GREB1L: variants seen among roughly 807,000 people sequenced by gnomAD.
GREB1L encodes GREB1 like retinoic acid receptor coactivator.
GREB1L carries 17 observed loss-of-function variants against 200.8 expected under a neutral mutation model. The ratio of observed to expected loss-of-function variants is 0.08; its 90% CI spans 0.06 to 0.13. GREB1L has a LOEUF of 0.13. Among genes scored for constraint, GREB1L ranks in the 10% least tolerant of loss-of-function variants. GREB1L has a pLI of 1.00. For synonymous variants in GREB1L, 789 were observed against 893.0 expected (o/e 0.88, Z 2.08); for missense variants, 1,657 against 2,367.7 (o/e 0.70, Z 6.23).
chr18:21,277,293 G>A (rs1196252900), intron 1 of GREB1L, among the ~76,000 whole-genome samples: 1 of 152,152 alleles, frequency 6.6e-6, no homozygotes. Context: ...ATAAGATTTA[G>A]CCTCCTGTGA....
intron 1 of GREB1L, among the ~76,000 whole-genome samples, chr18:21,305,618 G>A (rs1393862620): frequency 6.6e-6 from 1 of 152,052 alleles, no homozygotes; most frequent in Non-Finnish European, 1.5e-5. Context: ...TCTCTCCCCT[G>A]CAGTCTATTC....
chr18:21,366,366 A>G (rs761594412), intron 2 of GREB1L, among the ~76,000 whole-genome samples: 1 of 151,886 alleles, frequency 6.6e-6, no homozygotes, highest in East Asian at 1.9e-4. Flanking sequence ...TATTTCCTAT[A>G]TACCTAAATT....
At chr18:21,443,862 A>G (rs929903274) in intron 10 of GREB1L, among the ~76,000 whole-genome samples, 1 of 152,238 alleles carries the variant, frequency 6.6e-6, no homozygotes, top group South Asian at 2.1e-4. Flanking sequence ...GTGCCTACAC[A>G]TCACGTCATT....
intron 1 of GREB1L, among the ~76,000 whole-genome samples, chr18:21,279,767 A>T (rs187975019): frequency 2.0e-5 from 3 of 152,232 alleles, no homozygotes; most frequent in East Asian, 3.9e-4. Flanking sequence ...CACCCCAGCC[A>T]TGAGAGTAGC....
intron 27 of GREB1L, among the ~76,000 whole-genome samples, chr18:21,512,712 G>A (rs1381713682): frequency 1.3e-5 from 2 of 151,912 alleles, no homozygotes; most frequent in African/African-American, 2.4e-5. Context: ...AATGGTAAAA[G>A]TGGCATCCTT....
intron 1 of GREB1L, among the ~76,000 whole-genome samples, chr18:21,301,145 A>G (rs1029082846): frequency 1.3e-5 from 2 of 152,364 alleles, no homozygotes; most frequent in East Asian, 1.9e-4. Context: ...TCTTAGAAGC[A>G]TTTAATGTAA....
intron 23 of GREB1L, among the ~76,000 whole-genome samples, chr18:21,501,281 ATGTGCTGAATGTGCAGGTT>A (rs1471522651): frequency 6.6e-6 from 1 of 150,614 alleles, no homozygotes; most frequent in African/African-American, 2.4e-5. Flanking sequence ...TCTGGGATAC[ATGTGCTGAATGTGCAGGTT>A]TGTTACACAG....
intron 1 of GREB1L, among the ~76,000 whole-genome samples, chr18:21,258,156 A>G (rs2037831261): frequency 1.3e-5 from 2 of 152,164 alleles, no homozygotes; most frequent in East Asian, 1.9e-4. Flanking sequence ...ACTTGTGGCA[A>G]ATGTTGCTGT....
intron 4 of GREB1L, among the ~76,000 whole-genome samples, chr18:21,391,532 A>AT (rs1221611713): frequency 6.6e-6 from 1 of 152,236 alleles, no homozygotes; most frequent in Non-Finnish European, 1.5e-5. Flanking sequence ...GGAGCAGTTA[A>AT]TTAGGAGTTA....
At chr18:21,319,439 C>T (rs547958158) in intron 1 of GREB1L, among the ~76,000 whole-genome samples, 51 of 152,198 alleles carry the variant, frequency 3.4e-4, no homozygotes, top group African/African-American at 1.1e-3. Flanking sequence ...GAAATTATGC[C>T]GGAAGGCCCT....
At chr18:21,455,608 G>A (rs982305476) in intron 15 of GREB1L, among the ~76,000 whole-genome samples, 8 of 151,710 alleles carry the variant, frequency 5.3e-5, no homozygotes, top group African/African-American at 9.7e-5. Context: ...ACTTGAACCC[G>A]GAAGGCAGAG....
At chr18:21,255,738 C>T (rs1216606208) in intron 1 of GREB1L, among the ~76,000 whole-genome samples, 1 of 152,100 alleles carries the variant, frequency 6.6e-6, no homozygotes, top group East Asian at 1.9e-4. Context: ...AATTTCTTTA[C>T]AATATTAATA....
At chr18:21,318,765 G>A (rs1034420044) in intron 1 of GREB1L, among the ~76,000 whole-genome samples, 8 of 152,102 alleles carry the variant, frequency 5.3e-5, no homozygotes, top group African/African-American at 1.9e-4. Flanking sequence ...GAGTCACCAG[G>A]GCTCTCCTTC....
chr18:21,243,447 C>G (rs1216236140), intron 1 of GREB1L, among the ~76,000 whole-genome samples: 2 of 152,206 alleles, frequency 1.3e-5, no homozygotes, highest in Non-Finnish European at 2.9e-5. Flanking sequence ...AGGATAGAAA[C>G]CACATTTTAA....
chr18:21,268,869 C>T (rs952709655), intron 1 of GREB1L, among the ~76,000 whole-genome samples: 1 of 151,706 alleles, frequency 6.6e-6, no homozygotes, highest in African/African-American at 2.4e-5. Flanking sequence ...CAGGTGTGAG[C>T]CACTGTGCCC....
chr18:21,487,832 C>A (rs530346936), intron 18 of GREB1L, among the ~76,000 whole-genome samples: 1 of 149,514 alleles, frequency 6.7e-6, no homozygotes, highest in African/African-American at 2.5e-5. Flanking sequence ...AAAACCCTGT[C>A]TCTACTAAAA....
At chr18:21,492,052 T>A (rs377194611) in intron 19 of GREB1L, among the ~76,000 whole-genome samples, 8 of 151,898 alleles carry the variant, frequency 5.3e-5, no homozygotes, top group African/African-American at 1.9e-4. Context: ...TTGCTAATGA[T>A]GAAGAATTTG....
intron 4 of GREB1L, among the ~76,000 whole-genome samples, chr18:21,384,859 A>G (rs1319769176): frequency 7.1e-6 from 1 of 141,120 alleles, no homozygotes; most frequent in Non-Finnish European, 1.5e-5. Flanking sequence ...TTTATTTTGA[A>G]CACTCATCCG....
intron 1 of GREB1L, among the ~76,000 whole-genome samples, chr18:21,314,070 G>T (rs2038831797): frequency 6.6e-6 from 1 of 152,160 alleles, no homozygotes. Context: ...AACAATAAGA[G>T]AATTTCTGCA....
Sources: allele counts gnomAD v4.1 joint callset (sites outside exome capture counted in the v4.1 genomes callset), GRCh38; gene constraint gnomAD v4.1.1; transcripts MANE v1.5; gene names NCBI Gene and HGNC (gene_info 2026-07-23, HGNC 2026-07-21).